Variants in STEAP3 observed in about 807,000 individuals in gnomAD.
STEAP3 encodes metalloreductase STEAP3.
A neutral mutation model predicts 34.9 loss-of-function variants in STEAP3; 35 were observed. The observed-to-expected ratio is 1.00, with a 90% confidence interval of 0.76 to 1.33. STEAP3 has a LOEUF of 1.33. Among genes scored for constraint, STEAP3 ranks in the 40% most tolerant of loss-of-function variants. The pLI is 0.00. For missense variants in STEAP3, 652 were observed against 667.6 expected (o/e 0.98, Z 0.26); for synonymous variants, 281 against 301.6 (o/e 0.93, Z 0.71).
At position 119,228,503 on chromosome 2, in the gene STEAP3, G is replaced by C. The variant is rs75527944; in HGVS notation, c.-393-2117G>C. On this transcript the variant is annotated intron_variant, in intron 1 of 5. Coordinates refer to ENST00000393110, the MANE Select transcript of STEAP3 (RefSeq NM_182915.3). The stretch of plus-strand genomic sequence containing the variant: ...GAGCAGCTGCGGGAAGTGACACCAG[G>C]CCCTCTGGAGATGACCCTCTGGCCC... Among the ~76,000 whole-genome samples, 238 of 152,342 alleles carry C rather than the reference G, an allele frequency of 1.6e-3. 5 individuals carry two copies. In the East Asian group the frequency reaches 0.027, roughly 17 times the overall value.
At chr2:119,235,413 A>AG (rs1677067037) in intron 2 of STEAP3, among the ~76,000 whole-genome samples, 1 of 152,132 alleles carries the variant, frequency 6.6e-6, no homozygotes, top group Non-Finnish European at 1.5e-5. Context: ...GTAAAGACCC[A>AG]GGGAAAAAAA....
rs532938946 is a variant in STEAP3, at chr2:119,251,367, G to A, written c.1050+3161G>A. On this transcript the variant is annotated intron_variant, in intron 4 of 5. Transcript: ENST00000393110. ...TAGGAGGCAAAGGTGTATGCCAGCT[G>A]TAGAGAAAACCTTTGAGACCATGTT... 3.5e-4 allele frequency among the ~76,000 whole-genome samples: 53 copies of A among 152,338 alleles called. 1 individual carries two copies. The South Asian group carries it at 0.01, about 30-fold the overall frequency.
chr2:119,236,047 A>T (rs534858083), intron 2 of STEAP3, among the ~76,000 whole-genome samples: 8 of 152,138 alleles, frequency 5.3e-5, no homozygotes, highest in African/African-American at 1.9e-4. Context: ...TTTTCCTCCG[A>T]TTGTCTTGGG....
At chr2:119,247,346 G>A (rs1677460887) in intron 3 of STEAP3, among the ~76,000 whole-genome samples, 1 of 152,244 alleles carries the variant, frequency 6.6e-6, no homozygotes. Context: ...AGACAGCCAT[G>A]TCGGGGGCCC....
chr2:119,261,753 C>G (rs1677948129), intron 5 of STEAP3, among the ~76,000 whole-genome samples: 1 of 152,200 alleles, frequency 6.6e-6, no homozygotes, highest in Non-Finnish European at 1.5e-5. Flanking sequence ...TCGTACATGC[C>G]AAGAGGCTGG....
intron 2 of STEAP3, among the ~76,000 whole-genome samples, chr2:119,240,462 A>G (rs1237172823): frequency 6.6e-6 from 1 of 152,226 alleles, no homozygotes; most frequent in African/African-American, 2.4e-5. Context: ...CCGTGGCCAC[A>G]GCCTGCCCTG....
At chr2:119,223,909 T>C (rs1678946559) in intron 1 of STEAP3, 21 bp downstream of exon 1, 1 of 152,134 alleles carries the variant, frequency 6.6e-6, no homozygotes, top group South Asian at 2.1e-4. Flanking sequence ...CCTCCCCCGG[T>C]CTCCGCGGGG....
At chr2:119,244,287 A>G (rs1049802439) in intron 2 of STEAP3, 2 of 146,024 alleles carry the variant, frequency 1.4e-5, no homozygotes, top group Admixed American at 6.9e-5. Context: ...TCTGTCACCC[A>G]AACTGGAGTT....
At position 119,228,749 on chromosome 2, in the gene STEAP3, G is replaced by A. The variant is rs143163891; in HGVS notation, c.-393-1871G>A. 8.5e-5 allele frequency among the ~76,000 whole-genome samples: 13 copies of A among 152,140 alleles called. No homozygotes were observed. The South Asian group carries it at 1.9e-3, about 22-fold the overall frequency. On this transcript the variant is annotated intron_variant, in intron 1 of 5. Transcript: ENST00000393110. ...TGGTGTGAGTTCCATTGGGGCTGCC[G>A]CTTACCCTCCCATGACCTTTAACAT...
At position 119,257,452 on chromosome 2, in the gene STEAP3, C is replaced by T. The variant is rs771302277; in HGVS notation, c.1215+2604C>T. On this transcript the variant is annotated intron_variant, in intron 5 of 5. Transcript: ENST00000393110. The stretch of plus-strand genomic sequence containing the variant: ...CTAAGTGACTGATAGGTGCGCATGC[C>T]GCAGTGTGTGGCAACTTCCAGTGCA... The T allele has an allele frequency of 7.8e-5, 118 of 1,514,150 alleles. No individual in the cohort carries two copies. The highest frequency in any genetic ancestry group is 2.5e-4 in the Admixed American group (11 of 44,240). The allele number at this position is 1,514,150 out of a possible 1,614,324, so 93.8% of individuals were successfully genotyped here.
At chr2:119,262,109 C>G (rs1264655000) in intron 5 of STEAP3, among the ~76,000 whole-genome samples, 1 of 152,226 alleles carries the variant, frequency 6.6e-6, no homozygotes, top group South Asian at 2.1e-4. Flanking sequence ...GCCAGGTCAC[C>G]CAGACCACAG....
intron 1 of STEAP3, among the ~76,000 whole-genome samples, chr2:119,224,840 A>G (rs966119735): frequency 6.6e-6 from 1 of 152,232 alleles, no homozygotes; most frequent in Non-Finnish European, 1.5e-5. Context: ...TTTGAGCACA[A>G]TATCCCAGTT....
chr2:119,227,726 C>T (rs1679085086), intron 1 of STEAP3, among the ~76,000 whole-genome samples: 2 of 152,210 alleles, frequency 1.3e-5, no homozygotes, highest in South Asian at 4.1e-4. Flanking sequence ...TTTGTGGTGT[C>T]AGCTGTCTTG....
intron 5 of STEAP3, chr2:119,257,815 G>C (rs1173325755): frequency 9.2e-7 from 1 of 1,087,950 alleles, no homozygotes; most frequent in African/African-American, 1.6e-5. Flanking sequence ...GTTCTTGAGG[G>C]GCCTTGGCTG....
chr2:119,231,201 G>C (rs192738096), intron 2 of STEAP3, among the ~76,000 whole-genome samples, 167 bp downstream of exon 2: 1 of 152,294 alleles, frequency 6.6e-6, no homozygotes, highest in Admixed American at 6.5e-5. Flanking sequence ...CTTGGAACAG[G>C]CTGCAAAAAG....
Position 119,264,967 on chromosome 2 carries a change from T to C in STEAP3, c.*1629T>C, listed in dbSNP as rs1678065572. 6.6e-6 allele frequency: 1 copy of C among 152,246 alleles called. No individual in the cohort carries two copies. Among genetic ancestry groups the C allele is most frequent in the Non-Finnish European group, 1.5e-5 (1 of 68,060 alleles). The allele number at this position is 152,246 out of a possible 1,614,324, so 9.4% of individuals were successfully genotyped here. A position where few individuals can be genotyped will look rare whatever the true frequency, so the allele number is the denominator to read the frequency against. On this transcript the variant is annotated 3_prime_UTR_variant, in exon 6 of 6. Coordinates refer to ENST00000393110, the MANE Select transcript of STEAP3 (RefSeq NM_182915.3). The stretch of plus-strand genomic sequence containing the variant: ...AAGCTCTTCCTGCAGGTATTTTCCA[T>C]CTGCTGTGCCAAGGCTGAGCGGCAG...
intron 2 of STEAP3, among the ~76,000 whole-genome samples, chr2:119,236,276 T>C (rs1380844974): frequency 6.6e-6 from 1 of 152,194 alleles, no homozygotes; most frequent in Non-Finnish European, 1.5e-5. Flanking sequence ...ATTTGTCTCA[T>C]ATAATCCTTG....
intron 4 of STEAP3, among the ~76,000 whole-genome samples, chr2:119,249,954 C>T (rs1677573784): frequency 6.6e-6 from 1 of 152,184 alleles, no homozygotes; most frequent in Non-Finnish European, 1.5e-5. Context: ...GCTTCGTACA[C>T]CACTGTGAAT....
In STEAP3 at chr2:119,248,132, C is replaced by A. The variant is rs773189725; in HGVS notation, c.976C>A (p.His326Asn). 5.6e-6 allele frequency: 9 copies of A among 1,608,612 alleles called. No individual in the cohort carries two copies. The East Asian group carries it at 1.3e-4, about 24-fold the overall frequency. The change falls in exon 4 of 6, where the codon CAC becomes AAC. Residue 326 changes from histidine to asparagine, a missense_variant. Physicochemically the swap from His to Asn is moderately conservative, Grantham distance 68. Coordinates refer to ENST00000393110, the MANE Select transcript of STEAP3 (RefSeq NM_182915.3). ...GCTCAGCTTCTTCTGCGCCGCCCTGCACGCCCTCTACAGCTTCTGCTTGCC... is the reference window on the plus strand; with the variant it reads ...GCTCAGCTTCTTCTGCGCCGCCCTGAACGCCCTCTACAGCTTCTGCTTGCC... ...GLLSFFCAAL[H>N]ALYSFCLPLR...
Sources: gnomAD v4.1 joint callset for allele counts (sites outside exome capture counted in the v4.1 genomes callset) on GRCh38, gnomAD v4.1.1 for gene constraint, MANE v1.5 for transcripts, NCBI Gene and HGNC (gene_info 2026-07-23, HGNC 2026-07-21) for gene names.